PLA2G4C: variants seen among roughly 807,000 people sequenced by gnomAD.
The protein encoded by PLA2G4C is phospholipase A2 group IVC.
Under a neutral mutation model 73.8 loss-of-function variants are expected in PLA2G4C, and 64 were observed. The observed-to-expected ratio is 0.87, with a 90% CI of 0.71 to 1.07. PLA2G4C has a LOEUF of 1.07. Ranked by LOEUF, PLA2G4C falls within the 50% of genes least tolerant of loss-of-function variation. The pLI is 0.00. For synonymous variants in PLA2G4C, 254 were observed against 252.1 expected, an observed-to-expected ratio of 1.01 and a Z score of -0.07; for missense variants, 622 against 665.4, an observed-to-expected ratio of 0.93 and a Z score of 0.72.
intron 13 of PLA2G4C, 52 bp from the exon 14 acceptor site, chr19:48,062,204 A>C: frequency 6.8e-7 from 1 of 1,462,114 alleles, no homozygotes; most frequent in Non-Finnish European, 9.2e-7. Flanking sequence ...ACTGAAAGCA[A>C]GACTTGGAAA....
At position 48,099,676 on chromosome 19, in the gene PLA2G4C, T is replaced by G; in HGVS notation, c.442A>C (p.Arg148=). The G allele has an allele frequency of 6.2e-7, 1 of 1,612,608 alleles. No homozygotes were observed. The highest frequency in any genetic ancestry group is 2.2e-5 in the East Asian group (1 of 44,836). ...CCCAGCTGGGAATGACTTACTTCTC[T>G]GGTTTGCTTAGAGATAACCATGTAG... is the stretch of plus-strand genomic sequence containing the variant. ...WAYMVISKQT[R]ELPESHLSNM... The change falls in exon 5 of 17, where the codon AGA becomes CGA. Residue 148 remains arginine, a synonymous_variant. Coordinates refer to ENST00000599921, the MANE Select transcript of PLA2G4C (RefSeq NM_003706.3).
chr19:48,068,817 C>T (rs746922118), intron 12 of PLA2G4C, among the ~76,000 whole-genome samples: 4 of 151,502 alleles, frequency 2.6e-5, no homozygotes, highest in Admixed American at 6.6e-5. Flanking sequence ...TGAGAGGATG[C>T]GGTGAGAAGG....
At chr19:48,080,091 C>T (rs761980209) in intron 10 of PLA2G4C, among the ~76,000 whole-genome samples, 3 of 151,754 alleles carry the variant, frequency 2.0e-5, no homozygotes, top group Admixed American at 6.6e-5. Flanking sequence ...CCACAAAAGA[C>T]GATTATACAG....
In PLA2G4C at chr19:48,062,011, C is replaced by T. The variant is rs545062328; in HGVS notation, c.1244G>A (p.Gly415Glu). ...CTTCTCGATTACCTCGAAAGGATCT[C>T]CGGCACTGAAGTCGAAGGAGAGGAT... ...HLILSFDFSAGDPFETIRATT... is the reference protein window; with the variant it reads ...HLILSFDFSAEDPFETIRATT... The change falls in exon 14 of 17, where the codon GGA becomes GAA. Residue 415 changes from glycine to glutamate, a missense_variant. Coordinates refer to ENST00000599921, the MANE Select transcript of PLA2G4C (RefSeq NM_003706.3). 75 of 1,613,936 alleles carry T rather than the reference C, an allele frequency of 4.6e-5. 2 individuals are homozygous for T. The South Asian group carries it at 7.4e-4, about 16-fold the overall frequency.
chr19:48,110,531 T>TGCTCCGGAATCCGGTGCGGAGACTTGG lies in PLA2G4C; in HGVS notation c.-78_-77insCCAAGTCTCCGCACCGGATTCCGGAGC. ...GTGTGCGCATGCGCGGTGGAGCTTG[T>TGCTCCGGAATCCGGTGCGGAGACTTGG]GCTCCGGAATCCGGTGCGGAGGCTT... On this transcript the variant is annotated 5_prime_UTR_variant, in exon 1 of 17. Transcript: ENST00000599921. The TGCTCCGGAATCCGGTGCGGAGACTTGG allele has an allele frequency of 7.2e-7, 1 of 1,386,158 alleles. No homozygotes were observed. Among genetic ancestry groups the TGCTCCGGAATCCGGTGCGGAGACTTGG allele is most frequent in the Non-Finnish European group, 9.5e-7 (1 of 1,049,482 alleles). The allele number at this position is 1,386,158 out of a possible 1,614,324, so 85.9% of individuals were successfully genotyped here.
chr19:48,048,613 C>T (rs11564671), intron 16 of PLA2G4C, among the ~76,000 whole-genome samples: 9,741 of 152,252 alleles, frequency 0.064, 390 homozygotes, highest in African/African-American at 0.096. Flanking sequence ...TCCAACACTA[C>T]GCTTATTAAG....
At chr19:48,098,391 T>TAATG in intron 5 of PLA2G4C, 132 bp from the exon 6 acceptor site, 1 of 762,276 alleles carries the variant, frequency 1.3e-6, no homozygotes, top group South Asian at 2.2e-5. Flanking sequence ...AGTGGTACAA[T>TAATG]AATGGGCCAC....
intron 3 of PLA2G4C, among the ~76,000 whole-genome samples, chr19:48,105,082 CAAAA>C (rs3083068): frequency 6.9e-3 from 603 of 87,558 alleles, no homozygotes; most frequent in African/African-American, 0.021. Context: ...GACGTTGTCT[CAAAA>C]AAAAAAAAAA....
chr19:48,109,274 T>C (rs1236309394), intron 1 of PLA2G4C, among the ~76,000 whole-genome samples: 1 of 151,812 alleles, frequency 6.6e-6, no homozygotes. Context: ...GGATTCTTTT[T>C]CGTTGTTTGC....
chr19:48,049,900 T>C (rs1303642033), intron 16 of PLA2G4C, among the ~76,000 whole-genome samples: 1 of 152,146 alleles, frequency 6.6e-6, no homozygotes, highest in Non-Finnish European at 1.5e-5. Flanking sequence ...ACAATAAGTG[T>C]CGGTTGTTTA....
At chr19:48,063,407 G>A (rs1968274406) in intron 13 of PLA2G4C, among the ~76,000 whole-genome samples, 1 of 152,148 alleles carries the variant, frequency 6.6e-6, no homozygotes, top group African/African-American at 2.4e-5. Context: ...ATCTCAGTGA[G>A]CAGAGGGTGA....
intron 13 of PLA2G4C, among the ~76,000 whole-genome samples, chr19:48,066,841 T>C (rs1167458754): frequency 6.6e-6 from 1 of 151,944 alleles, no homozygotes; most frequent in East Asian, 1.9e-4. Flanking sequence ...TGGTGCTGTG[T>C]GCCTGTGTTC....
chr19:48,076,027 A>G (rs1459702470), intron 11 of PLA2G4C, among the ~76,000 whole-genome samples: 1 of 152,240 alleles, frequency 6.6e-6, no homozygotes, highest in Non-Finnish European at 1.5e-5. Flanking sequence ...CCAGAATCCA[A>G]CCCTACTGGT....
At position 48,098,713 on chromosome 19, in the gene PLA2G4C, TAAAAAAAAAAAAAAAAAAAAAAAAA is replaced by T. The variant is rs548688675; in HGVS notation, c.448-479_448-455del. On this transcript the variant is annotated intron_variant, in intron 5 of 16. Transcript: ENST00000599921. ...GAGCAAAAAAGCGAAACCCTATCTC[TAAAAAAAAAAAAAAAAAAAAAAAAA>T]AAAAAAAAAAAAAATTTGTCAGGCC... is the stretch of plus-strand genomic sequence containing the variant. Among the ~76,000 whole-genome samples, 9 of 30,908 alleles carry T rather than the reference TAAAAAAAAAAAAAAAAAAAAAAAAA, an allele frequency of 2.9e-4. No individual in the cohort carries two copies. The East Asian group carries it at 0.01, about 35-fold the overall frequency. 20.3% of individuals were successfully genotyped at this position (30,908 alleles called of 152,430 possible).
intron 10 of PLA2G4C, among the ~76,000 whole-genome samples, chr19:48,084,584 CT>C (rs2030861213): frequency 6.6e-6 from 1 of 152,214 alleles, no homozygotes. Context: ...GAAACCTGAA[CT>C]CCTGGCCTCA....
intron 7 of PLA2G4C, chr19:48,090,734 A>C (rs1568444966): frequency 1.5e-5 from 5 of 332,740 alleles, no homozygotes; most frequent in Non-Finnish European, 2.8e-5. Flanking sequence ...CCTTCTCAGC[A>C]CACAGGCAGG....
chr19:48,062,066 C>A lies in PLA2G4C; in HGVS notation c.1189G>T (p.Val397Leu). Residue 397 changes from valine to leucine, a missense_variant, in exon 14 of 17, where the codon GTG becomes TTG. Physicochemically the swap from Val to Leu is conservative, Grantham distance 32. Transcript: ENST00000599921. ...TGAACCTCCCGCGTCGGGGGCAGCA[C>A]GAGTGGGAAGGGAGTGTTGATGGCT... ...GLAINTPFPL[V>L]LPPTREVHLI... is the part of the protein sequence containing the mutation. 1 of 1,613,660 alleles carries A rather than the reference C, an allele frequency of 6.2e-7. No homozygotes were observed. The highest frequency in any genetic ancestry group is 1.1e-5 in the South Asian group (1 of 91,052).
chr19:48,058,274 G>A (rs150484049), intron 14 of PLA2G4C, among the ~76,000 whole-genome samples: 1,773 of 151,780 alleles, frequency 0.012, 18 homozygotes, highest in Non-Finnish European at 0.02. Context: ...ACTCCAGCCC[G>A]GGCAACAAGA....
At chr19:48,067,724 C>A (rs566893021) in intron 13 of PLA2G4C, 67 bp downstream of exon 13, 1 of 1,068,430 alleles carries the variant, frequency 9.4e-7, no homozygotes. Flanking sequence ...AGGCCCACCC[C>A]CTTCCCCTAC....
Sources: gnomAD v4.1 joint callset for allele counts (sites outside exome capture counted in the v4.1 genomes callset) on GRCh38, gnomAD v4.1.1 for gene constraint, MANE v1.5 for transcripts, NCBI Gene and HGNC (gene_info 2026-07-23, HGNC 2026-07-21) for gene names.